The following ARFGEF1 variants were observed in gnomAD, a reference collection of about 807,000 sequenced individuals.
The protein encoded by ARFGEF1 is ARF guanine nucleotide exchange factor 1, also known as brefeldin A-inhibited guanine nucleotide-exchange protein 1.
Under a neutral mutation model 231.0 loss-of-function variants are expected in ARFGEF1, and 42 were observed. The ratio of observed to expected loss-of-function variants is 0.18; its 90% CI spans 0.14 to 0.24. ARFGEF1 has a LOEUF of 0.24. Ranked by LOEUF, ARFGEF1 falls within the 10% of genes least tolerant of loss-of-function variation. The pLI, the probability that ARFGEF1 is intolerant of heterozygous loss-of-function variation, is 1.00. For synonymous variants in ARFGEF1, 710 were observed against 732.3 expected (o/e 0.97, Z 0.49); for missense variants, 1,345 against 2,192.0 (o/e 0.61, Z 7.72).
intron 1 of ARFGEF1, among the ~76,000 whole-genome samples, chr8:67,323,378 T>G (rs898225646): frequency 6.6e-6 from 1 of 152,148 alleles, no homozygotes; most frequent in Admixed American, 6.5e-5. Flanking sequence ...ACCTTAAACT[T>G]AACCTGATAA....
chr8:67,225,934 C>T lies in ARFGEF1; in HGVS notation c.4077+89G>A, dbSNP rs1403932992. The T allele has an allele frequency of 1.2e-5, 15 of 1,277,112 alleles. No individual in the cohort carries two copies. In the East Asian group the frequency reaches 3.2e-4, roughly 28 times the overall value. The allele number at this position is 1,277,112 out of a possible 1,614,324, so 79.1% of individuals were successfully genotyped here. On this transcript the variant is annotated intron_variant, in intron 28 of 38. Transcript: ENST00000262215. Reference sequence around the variant, plus strand: ...TTTTCAAATTACTGAAAAATAAATGCTTCATATACCCTCAATTCCCAAACA... The same window carrying T: ...TTTTCAAATTACTGAAAAATAAATGTTTCATATACCCTCAATTCCCAAACA...
At chr8:67,276,965 A>G (rs140931053) in intron 8 of ARFGEF1, among the ~76,000 whole-genome samples, 2 of 152,268 alleles carry the variant, frequency 1.3e-5, no homozygotes, top group African/African-American at 2.4e-5. Flanking sequence ...TTCAGCCCAT[A>G]CCAGAATTAT....
chr8:67,266,818 C>T, intron 13 of ARFGEF1, 58 bp downstream of exon 13: 1 of 1,385,592 alleles, frequency 7.2e-7, no homozygotes, highest in Non-Finnish European at 1.0e-6. Context: ...TGCAACTATC[C>T]TCCAAAGTAT....
intron 21 of ARFGEF1, 119 bp from the exon 22 acceptor site, chr8:67,238,612 A>G (rs967664343): frequency 2.1e-6 from 3 of 1,422,122 alleles, no homozygotes; most frequent in African/African-American, 2.9e-5. Flanking sequence ...TTAAAAAGCT[A>G]AACGTACTTA....
intron 37 of ARFGEF1, 77 bp from the exon 38 acceptor site, chr8:67,200,590 G>T: frequency 1.2e-6 from 1 of 846,330 alleles, no homozygotes; most frequent in Non-Finnish European, 1.9e-6. Flanking sequence ...GAGCAATCAT[G>T]AACATAGTAG....
intron 7 of ARFGEF1, among the ~76,000 whole-genome samples, chr8:67,285,434 G>A (rs564212888): frequency 2.4e-4 from 37 of 152,152 alleles, no homozygotes; most frequent in Non-Finnish European, 3.4e-4. Flanking sequence ...GGAGGACTGC[G>A]TGAGCCCAAG....
At chr8:67,328,279 C>T (rs895513619) in intron 1 of ARFGEF1, among the ~76,000 whole-genome samples, 9 of 152,090 alleles carry the variant, frequency 5.9e-5, no homozygotes, top group Non-Finnish European at 1.2e-4. Flanking sequence ...TCTTAACAAA[C>T]TGAACTATTC....
intron 37 of ARFGEF1, among the ~76,000 whole-genome samples, chr8:67,200,738 A>G (rs555111039): frequency 6.6e-6 from 1 of 152,276 alleles, no homozygotes; most frequent in South Asian, 2.1e-4. Context: ...GGAAACCCAC[A>G]TTTTCCTAAT....
chr8:67,308,097 T>C (rs1475037926), intron 1 of ARFGEF1, among the ~76,000 whole-genome samples: 1 of 152,118 alleles, frequency 6.6e-6, no homozygotes, highest in African/African-American at 2.4e-5. Context: ...GCACCAGACA[T>C]GTAAGTAAAG....
intron 1 of ARFGEF1, among the ~76,000 whole-genome samples, chr8:67,310,202 TC>T (rs1278480218): frequency 6.7e-6 from 1 of 149,802 alleles, no homozygotes; most frequent in Non-Finnish European, 1.5e-5. Context: ...CACTGCAACC[TC>T]CCTGCCTGAT....
At chr8:67,312,709 T>C (rs11774715) in intron 1 of ARFGEF1, among the ~76,000 whole-genome samples, 38,504 of 152,086 alleles carry the variant, frequency 0.25, 5,147 homozygotes, top group East Asian at 0.38. Flanking sequence ...ACACAAAAAA[T>C]AAAACACTGT....
intron 1 of ARFGEF1, among the ~76,000 whole-genome samples, chr8:67,306,023 T>A (rs937137916): frequency 6.6e-6 from 1 of 152,234 alleles, no homozygotes; most frequent in Non-Finnish European, 1.5e-5. Context: ...TCTTTCTTAC[T>A]ACAAATCTTA....
At chr8:67,256,184 G>A (rs1445644568) in intron 17 of ARFGEF1, among the ~76,000 whole-genome samples, 2 of 152,124 alleles carry the variant, frequency 1.3e-5, no homozygotes, top group Non-Finnish European at 2.9e-5. Flanking sequence ...TTATAAAGCC[G>A]TAGAATAGAA....
At chr8:67,199,564 T>C (rs906342048) in intron 38 of ARFGEF1, 2 of 159,224 alleles carry the variant, frequency 1.3e-5, no homozygotes, top group African/African-American at 4.8e-5. Flanking sequence ...TGCTATACTT[T>C]GGCTGTATCT....
intron 4 of ARFGEF1, 99 bp from the exon 5 acceptor site, chr8:67,296,709 A>G: frequency 2.1e-6 from 2 of 935,844 alleles, no homozygotes; most frequent in East Asian, 2.7e-5. Flanking sequence ...GGAGTGCAGT[A>G]GTGTGATCAT....
intron 1 of ARFGEF1, among the ~76,000 whole-genome samples, chr8:67,336,927 G>A (rs1168861492): frequency 6.6e-6 from 1 of 151,714 alleles, no homozygotes; most frequent in Non-Finnish European, 1.5e-5. Flanking sequence ...TCAGGAGATC[G>A]AGACCATCCT....
chr8:67,235,954 C>T (rs1020904113), intron 22 of ARFGEF1, among the ~76,000 whole-genome samples: 85 of 151,878 alleles, frequency 5.6e-4, no homozygotes, highest in Non-Finnish European at 4.1e-4. Flanking sequence ...ATACTCAACC[C>T]GGTCAACTTG....
chr8:67,311,389 G>A (rs1807042343), intron 1 of ARFGEF1, among the ~76,000 whole-genome samples: 1 of 137,100 alleles, frequency 7.3e-6, no homozygotes. Context: ...CCTCTGCCCA[G>A]CCAGCCGCCC....
chr8:67,334,847 A>G (rs547415624), intron 1 of ARFGEF1, among the ~76,000 whole-genome samples: 3 of 152,310 alleles, frequency 2.0e-5, no homozygotes, highest in Non-Finnish European at 4.4e-5. Flanking sequence ...CAGAAAAGGC[A>G]ACTCTAAAGA....
Sources: gnomAD v4.1 joint callset for allele counts (sites outside exome capture counted in the v4.1 genomes callset) on GRCh38, gnomAD v4.1.1 for gene constraint, MANE v1.5 for transcripts, NCBI Gene and HGNC (gene_info 2026-07-23, HGNC 2026-07-21) for gene names.